The following EIF2D variants were observed in gnomAD, a reference collection of about 807,000 sequenced individuals.
EIF2D encodes eukaryotic translation initiation factor 2D.
In EIF2D, 56 loss-of-function variants were observed where a neutral mutation model predicts 77.4. That is an observed-to-expected ratio of 0.72 (90% CI 0.58 to 0.90). The LOEUF is 0.90. Among genes scored for constraint, EIF2D ranks in the 40% least tolerant of loss-of-function variants. EIF2D has a pLI of 0.00. For synonymous variants in EIF2D, 230 were observed against 271.0 expected (o/e 0.85, Z 1.49); for missense variants, 574 against 706.5 (o/e 0.81, Z 2.13).
chr1:206,599,674 T>C lies in EIF2D; in HGVS notation c.1052+59A>G. The C allele has an allele frequency of 6.2e-7, 1 of 1,612,512 alleles. No individual in the cohort carries two copies. The highest frequency in any genetic ancestry group is 8.5e-7 in the Non-Finnish European group (1 of 1,179,142). ...ATACTAGCATCTCAGCAATCCCCAG[T>C]CCGTGGCCCAGGTGCCCTGGGGCCA... is the stretch of plus-strand genomic sequence containing the variant. On this transcript the variant is annotated intron_variant, in intron 9 of 14. Coordinates refer to ENST00000271764, the MANE Select transcript of EIF2D (RefSeq NM_006893.3). This position sits in a 1 kb window ranked among gnomAD's most constrained non-coding sequence, Gnocchi z 4.1.
At position 206,591,692 on chromosome 1, in the gene EIF2D, G is replaced by A; in HGVS notation, c.*83C>T. 1 of 1,233,042 alleles carries A rather than the reference G, an allele frequency of 8.1e-7. No individual in the cohort carries two copies. The highest frequency in any genetic ancestry group is 1.2e-6 in the Non-Finnish European group (1 of 847,036). The allele number at this position is 1,233,042 out of a possible 1,614,324, so 76.4% of individuals were successfully genotyped here. ...TTGTAAAGAATTATATTTTGTATTT[G>A]CAAAAGCTGAAAATGCTCATAAAAA... On this transcript the variant is annotated 3_prime_UTR_variant, in exon 15 of 15. Transcript: ENST00000271764.
At chr1:206,569,827 A>AT, downstream of EIF2D, among the ~76,000 whole-genome samples, 1 of 152,110 alleles carries the variant, frequency 6.6e-6, no homozygotes, top group African/African-American at 2.4e-5. Context: ...TGTCCAGGTC[A>AT]TTTTTTGTGT....
intron 11 of EIF2D, among the ~76,000 whole-genome samples, chr1:206,598,607 G>A (rs113999326): frequency 1.7e-3 from 256 of 146,452 alleles, no homozygotes; most frequent in African/African-American, 6.4e-3. Context: ...TGCCTTGATC[G>A]TTATACACTC....
downstream of EIF2D, among the ~76,000 whole-genome samples, chr1:206,590,964 G>A (rs527838354): frequency 1.3e-5 from 2 of 152,324 alleles, no homozygotes; most frequent in African/African-American, 2.4e-5. Flanking sequence ...CTGGCATCAA[G>A]TGATCCCTTT....
intron 4 of EIF2D, among the ~76,000 whole-genome samples, chr1:206,573,236 G>A (rs975293908): frequency 2.0e-5 from 3 of 152,122 alleles, no homozygotes; most frequent in East Asian, 1.9e-4. Context: ...CGAGGTGGGC[G>A]GACTGCTTGA....
chr1:206,582,591 G>A (rs782303006), intron 2 of EIF2D, among the ~76,000 whole-genome samples: 1 of 152,186 alleles, frequency 6.6e-6, no homozygotes, highest in Non-Finnish European at 1.5e-5. Flanking sequence ...GCCCAGTAGC[G>A]GTTTATCTCC....
downstream of EIF2D, among the ~76,000 whole-genome samples, chr1:206,570,502 A>AAACTCCTTACCAATTAAACAGT (rs1668415676): frequency 2.0e-5 from 3 of 152,002 alleles, no homozygotes; most frequent in Non-Finnish European, 4.4e-5. Context: ...TCCCCAACTG[A>AAACTCCTTACCAATTAAACAGT]AACTCCTTAC....
At chr1:206,575,129 G>A (rs1163651639) in intron 4 of EIF2D, among the ~76,000 whole-genome samples, 1 of 152,082 alleles carries the variant, frequency 6.6e-6, no homozygotes, top group African/African-American at 2.4e-5. Context: ...ACATTGAGCA[G>A]GGTATTTCAA....
intron 3 of EIF2D, among the ~76,000 whole-genome samples, chr1:206,608,811 G>A (rs1341469127): frequency 6.6e-6 from 1 of 152,224 alleles, no homozygotes; most frequent in Non-Finnish European, 1.5e-5. Context: ...CAGCACTCTG[G>A]GAGGCCAAGG....
chr1:206,611,416 A>G (rs782375616), intron 1 of EIF2D, 42 bp from the exon 2 acceptor site: 4 of 1,534,164 alleles, frequency 2.6e-6, no homozygotes, highest in African/African-American at 2.8e-5. Context: ...GCCTGGACAG[A>G]CTTTTAATAA....
At chr1:206,570,211 C>T (rs542357214), downstream of EIF2D, among the ~76,000 whole-genome samples, 33 of 151,430 alleles carry the variant, frequency 2.2e-4, no homozygotes, top group Non-Finnish European at 4.3e-4. Flanking sequence ...CCTGCCTCAG[C>T]CTCCCGAGTA....
chr1:206,585,488 G>C, intron 2 of EIF2D: 1 of 528,332 alleles, frequency 1.9e-6, no homozygotes, highest in Non-Finnish European at 3.4e-6. Flanking sequence ...ACACCCTGGG[G>C]TAGCACATTA....
At chr1:206,606,570 G>A (rs1475446640) in intron 4 of EIF2D, among the ~76,000 whole-genome samples, 1 of 152,054 alleles carries the variant, frequency 6.6e-6, no homozygotes, top group East Asian at 1.9e-4. Flanking sequence ...GGAGAAAAAC[G>A]GTAACACCAT....
At chr1:206,577,578 C>G (rs1553405405) in intron 4 of EIF2D, among the ~76,000 whole-genome samples, 1 of 152,102 alleles carries the variant, frequency 6.6e-6, no homozygotes, top group Admixed American at 6.5e-5. Context: ...AGTCAGAAGC[C>G]CAACACACAC....
chr1:206,595,140 G>A (rs1189798038), intron 13 of EIF2D: 2 of 152,208 alleles, frequency 1.3e-5, no homozygotes, highest in South Asian at 2.1e-4. Context: ...CAAAGCCCAC[G>A]CTCGTAACTG....
At position 206,599,236 on chromosome 1, in the gene EIF2D, G is replaced by A; in HGVS notation, c.1203-144C>T. ...TCTTCCCTTTTCCTGACTGAAGTGA[G>A]CATGACCATGTGAAGAATAATTACA... On this transcript the variant is annotated intron_variant, in intron 10 of 14. Coordinates refer to ENST00000271764, the MANE Select transcript of EIF2D (RefSeq NM_006893.3). This position sits in a 1 kb window ranked among gnomAD's most constrained non-coding sequence, Gnocchi z 4.1. 2 of 885,868 alleles carry A rather than the reference G, an allele frequency of 2.3e-6. No homozygotes were observed. The highest frequency in any genetic ancestry group is 1.7e-6 in the Non-Finnish European group (1 of 574,384). 54.9% of individuals were successfully genotyped at this position (885,868 alleles called of 1,614,324 possible). A position where few individuals can be genotyped will look rare whatever the true frequency, so the allele number is the denominator to read the frequency against.
At chr1:206,600,588 GTGTGACTAA>G (rs1450815929) in intron 7 of EIF2D, 9 of 383,962 alleles carry the variant, frequency 2.3e-5, no homozygotes, top group Non-Finnish European at 9.4e-6. Context: ...AGTACTTGAA[GTGTGACTAA>G]TGTGACCAAG....
At position 206,584,538 on chromosome 1, in the gene EIF2D, A is replaced by G; in HGVS notation, c.139-3376T>C. 1 of 1,614,134 alleles carries G rather than the reference A, an allele frequency of 6.2e-7. No homozygotes were observed. ...ACCACGGACAAGCGGACATCCTTCT[A>G]CCTGCCCCTAGATGCCATCAAGCAG... On this transcript the variant is annotated intron_variant and NMD_transcript_variant, in intron 2 of 5. Transcript: ENST00000472709. The surrounding 1 kb of genome is among the most constrained non-coding windows in gnomAD (Gnocchi z 4.9).
intron 3 of EIF2D, among the ~76,000 whole-genome samples, chr1:206,608,808 C>T (rs1553413229): frequency 6.6e-6 from 1 of 152,186 alleles, no homozygotes; most frequent in East Asian, 1.9e-4. Context: ...TCCCAGCACT[C>T]TGGGAGGCCA....
Sources: allele counts gnomAD v4.1 joint callset (sites outside exome capture counted in the v4.1 genomes callset), GRCh38; gene constraint gnomAD v4.1.1; non-coding constraint Gnocchi (gnomAD v3.1); transcripts MANE v1.5; gene names NCBI Gene and HGNC (gene_info 2026-07-23, HGNC 2026-07-21).